The following SOX13 variants were observed in gnomAD, a reference collection of about 807,000 sequenced individuals.
SOX13 encodes the protein transcription factor SOX-13.
SOX13 carries 28 observed loss-of-function variants against 71.8 expected under a neutral mutation model. The observed-to-expected ratio is 0.39, with a 90% confidence interval of 0.29 to 0.53. The LOEUF is 0.53. Ranked by LOEUF, SOX13 falls within the 20% of genes least tolerant of loss-of-function variation. SOX13 has a pLI of 0.70. For synonymous variants in SOX13, 309 were observed against 317.8 expected, an observed-to-expected ratio of 0.97 and a Z score of 0.29; for missense variants, 627 against 810.3, an observed-to-expected ratio of 0.77 and a Z score of 2.75.
intron 1 of SOX13, among the ~76,000 whole-genome samples, chr1:204,076,072 T>C (rs1655781084): frequency 6.6e-6 from 1 of 152,214 alleles, no homozygotes; most frequent in Non-Finnish European, 1.5e-5. Context: ...GTCTTTTTTC[T>C]TTTTCTTGTT....
At chr1:204,077,146 AC>A (rs1655801139) in intron 1 of SOX13, among the ~76,000 whole-genome samples, 1 of 152,178 alleles carries the variant, frequency 6.6e-6, no homozygotes, top group African/African-American at 2.4e-5. Flanking sequence ...AGACCTGGAG[AC>A]AGGGGATTGC....
rs190943792 is a variant in SOX13 at position 204,098,733 on chromosome 1, T to C, written c.-1-14182T>C. Among the ~76,000 whole-genome samples the C allele has an allele frequency of 5.3e-3, 812 of 152,158 alleles. 18 individuals carry two copies. The highest frequency in any genetic ancestry group is 0.047 in the Admixed American group (711 of 15,284). On this transcript the variant is annotated intron_variant, in intron 1 of 13. Coordinates refer to ENST00000367204, the MANE Select transcript of SOX13 (RefSeq NM_005686.3). Reference sequence around the variant, plus strand: ...GGCCAGAACACAGAGGGGTGATGAATGTAAGGGGAGTCAGGGTCTGGGCAG... The same window carrying C: ...GGCCAGAACACAGAGGGGTGATGAACGTAAGGGGAGTCAGGGTCTGGGCAG...
chr1:204,115,137 C>T (rs535983143), intron 4 of SOX13, among the ~76,000 whole-genome samples: 1 of 151,890 alleles, frequency 6.6e-6, no homozygotes, highest in Non-Finnish European at 1.5e-5. Context: ...TCCTGAGTAG[C>T]TGGGAACACA....
intron 13 of SOX13, 33 bp downstream of exon 13, chr1:204,124,890 CTG>C (rs756917803): frequency 2.0e-5 from 30 of 1,476,084 alleles, no homozygotes; most frequent in Non-Finnish European, 2.7e-5. Flanking sequence ...AGCCAGGAGA[CTG>C]TGTGTACATG....
intron 1 of SOX13, chr1:204,078,258 G>A (rs1655825108): frequency 6.6e-6 from 1 of 152,168 alleles, no homozygotes; most frequent in African/African-American, 2.4e-5. Flanking sequence ...AGGGATCTAG[G>A]TGTCCTTGCC....
chr1:204,079,333 A>G (rs1012868080), intron 1 of SOX13, among the ~76,000 whole-genome samples: 3 of 140,664 alleles, frequency 2.1e-5, no homozygotes, highest in African/African-American at 7.9e-5. Context: ...TGTGGTCCAC[A>G]GCATAGAACA....
chr1:204,122,065 G>A (rs1656818649), intron 8 of SOX13, 80 bp downstream of exon 8: 5 of 1,119,750 alleles, frequency 4.5e-6, no homozygotes, highest in Admixed American at 4.1e-5. Context: ...ACTGCGGGGT[G>A]TGGACTGGTG....
intron 7 of SOX13, among the ~76,000 whole-genome samples, chr1:204,121,195 G>A (rs1241541629): frequency 6.6e-6 from 1 of 152,054 alleles, no homozygotes; most frequent in African/African-American, 2.4e-5. Flanking sequence ...GGTCATGCTG[G>A]TCAGGGTGGT....
Position 204,112,904 on chromosome 1 carries a change from C to T in SOX13, c.-1-11C>T, listed in dbSNP as rs748281886. On this transcript the variant is annotated splice_polypyrimidine_tract_variant and intron_variant, in intron 1 of 13. Coordinates refer to ENST00000367204, the MANE Select transcript of SOX13 (RefSeq NM_005686.3). ...GGGGACTCACCTCAGCTCACTCTGT[C>T]CCTCCCCCAGGATGTCCATGAGGAG... 5.6e-6 allele frequency: 9 copies of T among 1,609,890 alleles called. No homozygotes were observed. The highest frequency in any genetic ancestry group is 2.2e-5 in the South Asian group (2 of 90,674).
At chr1:204,099,833 G>GT (rs1656325803) in intron 1 of SOX13, among the ~76,000 whole-genome samples, 1 of 152,150 alleles carries the variant, frequency 6.6e-6, no homozygotes, top group African/African-American at 2.4e-5. Flanking sequence ...TTGGCACATA[G>GT]TAAATGCTCA....
At chr1:204,103,684 T>G (rs1286582465) in intron 1 of SOX13, among the ~76,000 whole-genome samples, 1 of 152,244 alleles carries the variant, frequency 6.6e-6, no homozygotes, top group East Asian at 1.9e-4. Flanking sequence ...GGCTGGGCAC[T>G]GTCCCTGCAG....
At chr1:204,100,866 C>T (rs1656348016) in intron 1 of SOX13, among the ~76,000 whole-genome samples, 1 of 152,128 alleles carries the variant, frequency 6.6e-6, no homozygotes, top group South Asian at 2.1e-4. Flanking sequence ...ACACCTTAGG[C>T]TTAAGCGGGC....
In SOX13 at chr1:204,124,624, C is replaced by T; in HGVS notation, c.1376-17C>T. 6 of 1,597,400 alleles carry T rather than the reference C, an allele frequency of 3.8e-6. No individual in the cohort carries two copies. Among genetic ancestry groups the T allele is most frequent in the Non-Finnish European group, 5.1e-6 (6 of 1,172,504 alleles). Reference sequence around the variant, plus strand: ...AGAGCCCAGCACTGACTGCCTGCCCCTGGGGGGTTGGGTCAGGATCTCGCT... The same window carrying T: ...AGAGCCCAGCACTGACTGCCTGCCCTTGGGGGGTTGGGTCAGGATCTCGCT... On this transcript the variant is annotated splice_polypyrimidine_tract_variant and intron_variant, in intron 12 of 13. Transcript: ENST00000367204.
At position 204,125,839 on chromosome 1, in the gene SOX13, C is replaced by T. The variant is rs1329819748; in HGVS notation, c.1593-19C>T. On this transcript the variant is annotated intron_variant, in intron 13 of 13. Transcript: ENST00000367204. ...AATCAAGTGTGCATCCATCACCGTT[C>T]CCCTTCTCTGCCCCACAGCCCGCAG... 3 of 1,601,650 alleles carry T rather than the reference C, an allele frequency of 1.9e-6. No individual in the cohort carries two copies. Among genetic ancestry groups the T allele is most frequent in the Non-Finnish European group, 2.6e-6 (3 of 1,176,302 alleles).
intron 1 of SOX13, among the ~76,000 whole-genome samples, chr1:204,074,689 C>G (rs962243369): frequency 1.3e-5 from 2 of 152,174 alleles, no homozygotes; most frequent in East Asian, 1.9e-4. Flanking sequence ...TGGGGGTTGC[C>G]GGACAGTACC....
At position 204,084,436 on chromosome 1, in the gene SOX13, A is replaced by G. The variant is rs554490611; in HGVS notation, c.-2+10725A>G. Among the ~76,000 whole-genome samples, 3 of 152,004 alleles carry G rather than the reference A, an allele frequency of 2.0e-5. No homozygotes were observed. The South Asian group carries it at 6.2e-4, about 32-fold the overall frequency. On this transcript the variant is annotated intron_variant, in intron 1 of 13. Transcript: ENST00000367204. ...CTCCCTACCCTCCTGAAAATCAACA[A>G]CTGTGTCAACAGCAGGGTGATTGTG...
intron 1 of SOX13, among the ~76,000 whole-genome samples, chr1:204,079,849 G>C (rs924802284): frequency 1.3e-5 from 2 of 152,144 alleles, no homozygotes; most frequent in Non-Finnish European, 2.9e-5. Flanking sequence ...CCTCCTAGAG[G>C]CTGTGAGGTG....
intron 1 of SOX13, among the ~76,000 whole-genome samples, chr1:204,077,406 G>T (rs1297144798): frequency 6.6e-6 from 1 of 152,162 alleles, no homozygotes; most frequent in African/African-American, 2.4e-5. Flanking sequence ...CCCAAGGGAG[G>T]GAAATGGTGG....
chr1:204,084,018 C>CATGGG (rs1215519710), intron 1 of SOX13, among the ~76,000 whole-genome samples: 1 of 152,180 alleles, frequency 6.6e-6, no homozygotes, highest in African/African-American at 2.4e-5. Flanking sequence ...AGGGGCCCCA[C>CATGGG]CTGGGCCTCT....
Sources: gnomAD v4.1 joint callset for allele counts (sites outside exome capture counted in the v4.1 genomes callset) on GRCh38, gnomAD v4.1.1 for gene constraint, MANE v1.5 for transcripts, NCBI Gene and HGNC (gene_info 2026-07-23, HGNC 2026-07-21) for gene names.